MAMLD1: variants seen among roughly 807,000 people sequenced by gnomAD.
The protein encoded by MAMLD1 is mastermind-like domain-containing protein 1.
Under a neutral mutation model 45.0 loss-of-function variants are expected in MAMLD1, and 14 were observed. That is an observed-to-expected ratio of 0.31 (90% CI 0.21 to 0.49). The LOEUF (loss-of-function observed/expected upper bound fraction) is 0.49. MAMLD1 is among the 20% of genes least tolerant of loss of function. The pLI is 0.99. For missense variants in MAMLD1, 543 were observed against 603.6 expected (o/e 0.90, Z 1.05); for synonymous variants, 254 against 247.8 (o/e 1.02, Z -0.24).
intron 5 of MAMLD1, among the ~76,000 whole-genome samples, chrX:150,485,622 A>C (rs2036962309): frequency 8.9e-6 from 1 of 112,346 alleles, no homozygotes; most frequent in Non-Finnish European, 1.9e-5. Flanking sequence ...AGTTTGCATC[A>C]GAATTGAATA....
At chrX:150,490,534 A>T (rs2037152054) in intron 5 of MAMLD1, among the ~76,000 whole-genome samples, 1 of 112,460 alleles carries the variant, frequency 8.9e-6, no homozygotes, top group African/African-American at 3.2e-5. Context: ...GGAGAAACTA[A>T]GGTTATTTGA....
chrX:150,484,479 T>C (rs979890930), intron 5 of MAMLD1, among the ~76,000 whole-genome samples: 4 of 112,218 alleles, frequency 3.6e-5, no homozygotes, highest in Non-Finnish European at 7.5e-5. Context: ...AGCAGCAGAA[T>C]GGGGTTGAAA....
rs6627396 is a variant in MAMLD1, at chrX:150,402,103, G to A, written c.-64+38573G>A. Among the ~76,000 whole-genome samples the A allele has an allele frequency of 6.3e-5, 7 of 111,145 alleles. No individual in the cohort carries two copies. In the East Asian group the frequency reaches 1.7e-3, roughly 27 times the overall value. On this transcript the variant is annotated intron_variant, in intron 1 of 7. Coordinates refer to ENST00000370401, the MANE Select transcript of MAMLD1 (RefSeq NM_005491.5). ...AATTAAACTAAAGAGCTTCTGCACA[G>A]CAAAAGAAACTACCATCAGAGTGAA... is the stretch of plus-strand genomic sequence containing the variant.
In MAMLD1 at chrX:150,512,970, G is replaced by T; in HGVS notation, c.*1011G>T. ...GTGAGCCCAGATGAAGACTGGGTGT[G>T]CAACTTGAGGCTGATCGACGACATT... On this transcript the variant is annotated 3_prime_UTR_variant, in exon 8 of 8. Coordinates refer to ENST00000370401, the MANE Select transcript of MAMLD1 (RefSeq NM_005491.5). 1.7e-6 allele frequency: 2 copies of T among 1,155,754 alleles called. No individual in the cohort carries two copies. The highest frequency in any genetic ancestry group is 2.3e-6 in the Non-Finnish European group (2 of 872,568).
At chrX:150,494,349 A>G (rs1216099946) in intron 5 of MAMLD1, among the ~76,000 whole-genome samples, 2 of 111,384 alleles carry the variant, frequency 1.8e-5, no homozygotes, top group Admixed American at 9.5e-5. Context: ...AGCCGAGATC[A>G]TACCACTGCA....
chrX:150,420,622 G>A (rs782224758), intron 1 of MAMLD1, among the ~76,000 whole-genome samples: 1 of 112,291 alleles, frequency 8.9e-6, no homozygotes, highest in South Asian at 3.7e-4. Flanking sequence ...TTTTTGGTGT[G>A]GATGTACTTT....
chrX:150,490,064 G>A (rs1474810518), intron 5 of MAMLD1, among the ~76,000 whole-genome samples: 6 of 111,953 alleles, frequency 5.4e-5, no homozygotes, highest in African/African-American at 9.8e-5. Flanking sequence ...GTCATTGGCC[G>A]GGAGTACAGC....
intron 2 of MAMLD1, among the ~76,000 whole-genome samples, chrX:150,457,407 T>C (rs782642074): frequency 8.9e-6 from 1 of 112,371 alleles, no homozygotes; most frequent in South Asian, 3.7e-4. Flanking sequence ...TGAAAAACAG[T>C]GTGGTGGTTC....
At chrX:150,379,986 AC>A (rs1557401572) in intron 1 of MAMLD1, among the ~76,000 whole-genome samples, 2 of 112,579 alleles carry the variant, frequency 1.8e-5, no homozygotes, top group Non-Finnish European at 3.8e-5. Context: ...AAAACAAACA[AC>A]CCAGTACATA....
chrX:150,510,706 T>C lies in MAMLD1; in HGVS notation c.*44+660T>C, dbSNP rs782084100. ...ACCCTTACGCACCAGTGGGATGAGA[T>C]TGGACCAGGCCGAGGGTAGTCTTGG... is the stretch of plus-strand genomic sequence containing the variant. On this transcript the variant is annotated intron_variant, in intron 7 of 7. Transcript: ENST00000370401. 3.6e-5 allele frequency among the ~76,000 whole-genome samples: 4 copies of C among 112,515 alleles called. No individual in the cohort carries two copies. In the South Asian group the frequency reaches 1.5e-3, roughly 42 times the overall value.
intron 2 of MAMLD1, among the ~76,000 whole-genome samples, chrX:150,455,226 C>T (rs1325333895): frequency 1.8e-5 from 2 of 112,128 alleles, no homozygotes; most frequent in African/African-American, 3.2e-5. Flanking sequence ...TCTCCAAATG[C>T]GCACTTTTAA....
chrX:150,476,796 T>C (rs1473792885), intron 5 of MAMLD1, among the ~76,000 whole-genome samples: 3 of 113,185 alleles, frequency 2.7e-5, no homozygotes, highest in African/African-American at 9.6e-5. Context: ...ATATGCTTTC[T>C]ATCTTAAGGA....
intron 7 of MAMLD1, among the ~76,000 whole-genome samples, chrX:150,511,000 A>T (rs933595661): frequency 5.4e-5 from 6 of 112,103 alleles, no homozygotes; most frequent in Non-Finnish European, 1.1e-4. Context: ...CCAGATTGTA[A>T]CCTAGTTGAA....
intron 5 of MAMLD1, among the ~76,000 whole-genome samples, chrX:150,494,603 G>A (rs954715971): frequency 1.5e-4 from 17 of 111,510 alleles, no homozygotes; most frequent in Non-Finnish European, 2.8e-4. Context: ...TGGCGGGGCC[G>A]GGTACGGTGG....
intron 2 of MAMLD1, among the ~76,000 whole-genome samples, chrX:150,455,959 G>C: frequency 9.0e-6 from 1 of 110,581 alleles, no homozygotes. Context: ...AACTACAATA[G>C]GAGATTTCTT....
chrX:150,513,861 G>C lies in MAMLD1; in HGVS notation c.*1902G>C, dbSNP rs782070437. Reference sequence around the variant, plus strand: ...CACCCTCGTGGGGTTAAGGCGAGCTGTTCCTGGTTTAAAGCCTTTCAGTAT... The same window carrying C: ...CACCCTCGTGGGGTTAAGGCGAGCTCTTCCTGGTTTAAAGCCTTTCAGTAT... On this transcript the variant is annotated 3_prime_UTR_variant, in exon 8 of 8. Transcript: ENST00000370401. 4.7e-5 allele frequency: 14 copies of C among 296,241 alleles called. No homozygotes were observed. The highest frequency in any genetic ancestry group is 8.2e-5 in the Non-Finnish European group (14 of 170,185). The allele number at this position is 296,241 out of a possible 1,213,427, so 24.4% of individuals were successfully genotyped here.
intron 1 of MAMLD1, among the ~76,000 whole-genome samples, chrX:150,366,732 T>C (rs1557400740): frequency 1.8e-5 from 2 of 111,782 alleles, no homozygotes; most frequent in Admixed American, 9.4e-5. Context: ...CAATGCCTGC[T>C]CCCTGCTCTG....
intron 2 of MAMLD1, among the ~76,000 whole-genome samples, chrX:150,454,564 C>G (rs1045537840): frequency 1.8e-5 from 2 of 112,079 alleles, no homozygotes; most frequent in African/African-American, 6.5e-5. Context: ...TTTTGAATGA[C>G]TACAAGGAGA....
chrX:150,391,342 CTCTTCT>C (rs200941995), intron 1 of MAMLD1, among the ~76,000 whole-genome samples: 2 of 110,904 alleles, frequency 1.8e-5, no homozygotes, highest in African/African-American at 6.6e-5. Flanking sequence ...CCTGAGCCCC[CTCTTCT>C]TCTTCTTCTT....
Sources: gnomAD v4.1 joint callset for allele counts (sites outside exome capture counted in the v4.1 genomes callset) on GRCh38, gnomAD v4.1.1 for gene constraint, MANE v1.5 for transcripts, NCBI Gene and HGNC (gene_info 2026-07-23, HGNC 2026-07-21) for gene names.